Variants in TSPAN16 observed in about 807,000 individuals in gnomAD.
TSPAN16 encodes tetraspanin 16.
In TSPAN16, 23 loss-of-function variants were observed where a neutral mutation model predicts 25.2. The ratio of observed to expected loss-of-function variants is 0.91; its 90% confidence interval spans 0.66 to 1.29. The LOEUF is 1.29. Among genes scored for constraint, TSPAN16 ranks in the 50% most tolerant of loss-of-function variants. The pLI is 0.00. For synonymous variants in TSPAN16, 123 were observed against 124.4 expected, an observed-to-expected ratio of 0.99 and a Z score of 0.08; for missense variants, 272 against 299.9, an observed-to-expected ratio of 0.91 and a Z score of 0.69.
Position 11,296,280 on chromosome 19 carries a change from T to G in TSPAN16, c.-18T>G. The G allele has an allele frequency of 6.2e-7, 1 of 1,613,054 alleles. No individual in the cohort carries two copies. The highest frequency in any genetic ancestry group is 1.3e-5 in the African/African-American group (1 of 74,966). ...AAGATGTTAACTTAAATGTTCAGGG[T>G]GCCCCAGTCTGTTCAGCATGGCTGA... On this transcript the variant is annotated 5_prime_UTR_variant, in exon 1 of 7. Coordinates refer to ENST00000590327, the MANE Select transcript of TSPAN16 (RefSeq NM_001282509.2).
intron 4 of TSPAN16, among the ~76,000 whole-genome samples, chr19:11,302,684 C>T (rs1179808314): frequency 0.18 from 21,950 of 119,570 alleles, 2,039 homozygotes; most frequent in African/African-American, 0.33. Context: ...TATATACACA[C>T]ACACACACAC....
In TSPAN16 at chr19:11,302,672, T is replaced by C. The variant is rs531894849; in HGVS notation, c.450+1364T>C. Among the ~76,000 whole-genome samples the C allele has an allele frequency of 4.7e-3, 581 of 124,000 alleles. 9 individuals are homozygous for C. The highest frequency in any genetic ancestry group is 0.025 in the African/African-American group (567 of 23,130). The allele number at this position is 124,000 out of a possible 152,430, so 81.3% of individuals were successfully genotyped here. A position where few individuals can be genotyped will look rare whatever the true frequency, so the allele number is the denominator to read the frequency against. The stretch of plus-strand genomic sequence containing the variant: ...ATATATACACATACATATATATATA[T>C]ATATATACACACACACACACACACA... On this transcript the variant is annotated intron_variant, in intron 4 of 6. Coordinates refer to ENST00000590327, the MANE Select transcript of TSPAN16 (RefSeq NM_001282509.2).
At chr19:11,312,074 G>A (rs2080697893) in intron 5 of TSPAN16, 65 bp from the exon 6 acceptor site, 2 of 1,281,094 alleles carry the variant, frequency 1.6e-6, no homozygotes, top group Non-Finnish European at 2.2e-6. Context: ...AGTTGGGGTT[G>A]ATGGGGACTT....
chr19:11,325,683 C>T, intron 6 of TSPAN16: 2 of 1,164,202 alleles, frequency 1.7e-6, no homozygotes, highest in Non-Finnish European at 2.4e-6. Context: ...TAGTTCTGCT[C>T]TTTATCCTGC....
intron 3 of TSPAN16, 35 bp downstream of exon 3, chr19:11,298,981 G>A (rs764731981): frequency 2.1e-5 from 33 of 1,604,938 alleles, no homozygotes; most frequent in Non-Finnish European, 2.8e-5. Context: ...CATAGCATTA[G>A]AAAGATAAAG....
Position 11,315,785 on chromosome 19 carries a change from T to C in TSPAN16, c.688-6T>C. ...GGATCCATGTTTCTTTCTTCACGCA[T>C]TTCAGTTGCCAGGAATTCTTGCCAC... is the stretch of plus-strand genomic sequence containing the variant. On this transcript the variant is annotated splice_region_variant and splice_polypyrimidine_tract_variant and intron_variant, in intron 6 of 6. Coordinates refer to ENST00000590327, the MANE Select transcript of TSPAN16 (RefSeq NM_001282509.2). The C allele has an allele frequency of 1.6e-6, 2 of 1,231,838 alleles. No individual in the cohort carries two copies. Among genetic ancestry groups the C allele is most frequent in the Non-Finnish European group, 2.0e-6 (2 of 987,792 alleles). The allele number at this position is 1,231,838 out of a possible 1,614,324, so 76.3% of individuals were successfully genotyped here.
intron 4 of TSPAN16, among the ~76,000 whole-genome samples, chr19:11,306,368 A>T (rs996569271): frequency 2.6e-5 from 4 of 151,480 alleles, no homozygotes; most frequent in Non-Finnish European, 5.9e-5. Context: ...TAATTTTTAA[A>T]TTTTTTTGCC....
At chr19:11,325,334 T>C in intron 6 of TSPAN16, 1 of 1,090,936 alleles carries the variant, frequency 9.2e-7, no homozygotes, top group Admixed American at 2.3e-5. Context: ...CCACTGTGGC[T>C]CACGCCTCGA....
intron 5 of TSPAN16, among the ~76,000 whole-genome samples, chr19:11,308,281 A>C (rs2080651024): frequency 7.5e-6 from 1 of 132,696 alleles, no homozygotes. Flanking sequence ...AACATAGCAA[A>C]GTCCCCATCA....
downstream of TSPAN16, among the ~76,000 whole-genome samples, chr19:11,319,602 CAAACA>C (rs993288029): frequency 2.0e-3 from 297 of 151,218 alleles, 3 homozygotes; most frequent in African/African-American, 6.0e-3. Flanking sequence ...TGTCTCAAAA[CAAACA>C]AAACAAAACA....
chr19:11,304,969 AAAG>A (rs893673792), intron 4 of TSPAN16, among the ~76,000 whole-genome samples: 44 of 152,120 alleles, frequency 2.9e-4, no homozygotes, highest in African/African-American at 1.1e-3. Context: ...TAAAAAAAAA[AAAG>A]TTTTGCTCCC....
intron 6 of TSPAN16, chr19:11,326,765 G>A (rs572204309): frequency 3.9e-5 from 27 of 696,182 alleles, no homozygotes; most frequent in Non-Finnish European, 5.5e-5. Flanking sequence ...CACCATGCCC[G>A]GCTAATTTTT....
downstream of TSPAN16, among the ~76,000 whole-genome samples, chr19:11,320,949 T>A (rs1360054706): frequency 6.6e-6 from 1 of 151,924 alleles, no homozygotes; most frequent in East Asian, 1.9e-4. Flanking sequence ...GGTGGGCAGA[T>A]CATGAGGTCA....
At chr19:11,322,646 G>T (rs913761929) in intron 6 of TSPAN16, 1 of 152,136 alleles carries the variant, frequency 6.6e-6, no homozygotes, top group African/African-American at 2.4e-5. Context: ...ATCATTCAAT[G>T]TAACATTTGC....
At chr19:11,298,398 T>C in intron 2 of TSPAN16, 59 bp downstream of exon 2, 1 of 1,536,462 alleles carries the variant, frequency 6.5e-7, no homozygotes, top group Non-Finnish European at 8.9e-7. Context: ...AAATCTTTTA[T>C]TGTGCGTGTT....
chr19:11,317,507 T>G (rs1314104038), downstream of TSPAN16, among the ~76,000 whole-genome samples: 1 of 151,844 alleles, frequency 6.6e-6, no homozygotes, highest in Non-Finnish European at 1.5e-5. Flanking sequence ...TCTTTTTTCT[T>G]TTTTGAGACG....
exon 7 of TSPAN16, chr19:11,326,811 T>C (rs1464870967): frequency 1.5e-6 from 1 of 689,420 alleles, no homozygotes; most frequent in Middle Eastern, 3.7e-4. Flanking sequence ...GGTCTCGCTA[T>C]GTTGCGCAGG....
At chr19:11,315,237 A>ATAG (rs1470372816) in intron 6 of TSPAN16, among the ~76,000 whole-genome samples, 1 of 100,160 alleles carries the variant, frequency 1.0e-5, no homozygotes, top group African/African-American at 4.6e-5. Flanking sequence ...CTCCTTCTCA[A>ATAG]TAATAATAAT....
rs566839088 is a variant in TSPAN16 at position 11,325,700 on chromosome 19, A to G, written c.688-1094A>G. The G allele has an allele frequency of 6.0e-6, 6 of 1,005,002 alleles. No homozygotes were observed. In the African/African-American group the frequency reaches 8.1e-5, roughly 13 times the overall value. The allele number at this position is 1,005,002 out of a possible 1,614,324, so 62.3% of individuals were successfully genotyped here. ...GTTCTGCTCTTTATCCTGCTGTGGG[A>G]CCTTGGTTGTGTGCCTTTGCCACTC... is the stretch of plus-strand genomic sequence containing the variant. On this transcript the variant is annotated intron_variant, in intron 6 of 6. Transcript: ENST00000316737.
Sources: gnomAD v4.1 joint callset for allele counts (sites outside exome capture counted in the v4.1 genomes callset) on GRCh38, gnomAD v4.1.1 for gene constraint, MANE v1.5 for transcripts, NCBI Gene and HGNC (gene_info 2026-07-23, HGNC 2026-07-21) for gene names.